SRGAP3: variants seen among roughly 807,000 people sequenced by gnomAD.
SRGAP3 encodes SLIT-ROBO Rho GTPase activating protein 3.
Under a neutral mutation model 121.1 loss-of-function variants are expected in SRGAP3, and 39 were observed. That is an observed-to-expected ratio of 0.32 (90% CI 0.25 to 0.42). The LOEUF is 0.42. Among genes scored for constraint, SRGAP3 ranks in the 10% least tolerant of loss-of-function variants. The probability of loss-of-function intolerance (pLI) is 1.00; values close to 1 mark genes in which losing one functional copy is unlikely to be tolerated. For missense variants in SRGAP3, 1,213 were observed against 1,470.6 expected (o/e 0.82, Z 2.86); for synonymous variants, 601 against 570.0 (o/e 1.05, Z -0.77).
intron 1 of SRGAP3, among the ~76,000 whole-genome samples, chr3:9,245,501 C>G (rs1559239147): frequency 6.6e-6 from 1 of 152,172 alleles, no homozygotes. Context: ...GGGTTATATT[C>G]CCAGGCTCCA....
At chr3:9,236,133 C>G (rs562961489) in intron 1 of SRGAP3, 3 of 170,648 alleles carry the variant, frequency 1.8e-5, no homozygotes, top group Admixed American at 1.3e-4. Flanking sequence ...TCTCAAGTAC[C>G]CTGACCCTTT....
intron 18 of SRGAP3, among the ~76,000 whole-genome samples, chr3:9,001,450 T>C (rs897385519): frequency 1.3e-5 from 2 of 152,166 alleles, no homozygotes; most frequent in Non-Finnish European, 2.9e-5. Context: ...TTAAATGCTA[T>C]ATTAGAAAAT....
chr3:9,037,578 C>A (rs1944810220), intron 11 of SRGAP3: 1 of 202,270 alleles, frequency 4.9e-6, no homozygotes, highest in Non-Finnish European at 1.0e-5. Flanking sequence ...TCTGTGCACG[C>A]CTATGCACAT....
chr3:9,224,403 C>G (rs1394390298), intron 1 of SRGAP3, among the ~76,000 whole-genome samples: 1 of 152,210 alleles, frequency 6.6e-6, no homozygotes, highest in Non-Finnish European at 1.5e-5. Context: ...CACCCCTCCT[C>G]CACCCTGCAC....
intron 3 of SRGAP3, among the ~76,000 whole-genome samples, chr3:9,269,020 T>A (rs1250191675): frequency 6.6e-6 from 1 of 152,136 alleles, no homozygotes; most frequent in Non-Finnish European, 1.5e-5. Context: ...AATTTGGAGT[T>A]AGGTGATTAG....
chr3:9,019,413 T>A (rs1159567610), intron 14 of SRGAP3, among the ~76,000 whole-genome samples: 1 of 152,248 alleles, frequency 6.6e-6, no homozygotes, highest in Non-Finnish European at 1.5e-5. Context: ...AGGGAAAATG[T>A]TATCTCAGGG....
intron 3 of SRGAP3, among the ~76,000 whole-genome samples, chr3:9,289,178 C>T (rs113083434): frequency 5.9e-5 from 9 of 152,260 alleles, no homozygotes; most frequent in East Asian, 3.9e-4. Flanking sequence ...GGATTACAGG[C>T]GTGAGCCAGC....
Position 9,330,520 on chromosome 3 carries a change from G to A in SRGAP3, n.283+8C>T, listed in dbSNP as rs1955589631. The A allele has an allele frequency of 1.8e-5, 3 of 165,958 alleles. No homozygotes were observed. In the South Asian group the frequency reaches 4.6e-4, roughly 25 times the overall value. 10.3% of individuals were successfully genotyped at this position (165,958 alleles called of 1,614,324 possible). ...AGATCAATGGACACAAACGGGTCCT[G>A]CAGGTACCTTGCGTGTTCACTCAGC... is the stretch of plus-strand genomic sequence containing the variant. On this transcript the variant is annotated splice_region_variant and intron_variant and non_coding_transcript_variant, in intron 2 of 3. Transcript: ENST00000490889.
At chr3:9,301,528 AG>A (rs1469117957) in intron 3 of SRGAP3, among the ~76,000 whole-genome samples, 1 of 152,250 alleles carries the variant, frequency 6.6e-6, no homozygotes, top group Non-Finnish European at 1.5e-5. Flanking sequence ...ACGTAAGAGC[AG>A]AAAGAAATCT....
At chr3:9,163,881 G>A (rs149045024) in intron 1 of SRGAP3, among the ~76,000 whole-genome samples, 241 of 151,874 alleles carry the variant, frequency 1.6e-3, no homozygotes, top group African/African-American at 4.6e-3. Context: ...AGGAAGTTGG[G>A]ACTTAGTACC....
chr3:9,311,227 T>A lies in SRGAP3; in HGVS notation n.442+14783A>T, dbSNP rs1251599612. On this transcript the variant is annotated intron_variant and non_coding_transcript_variant, in intron 3 of 3. Coordinates refer to the SRGAP3 transcript ENST00000490889. The stretch of plus-strand genomic sequence containing the variant: ...TCCAGGTTTACAAAGGACACCTGAA[T>A]TTCCAGATGGTTAATAGTTAATTGT... Among the ~76,000 whole-genome samples, 7 of 151,590 alleles carry A rather than the reference T, an allele frequency of 4.6e-5. No homozygotes were observed. In the East Asian group the frequency reaches 1.3e-3, roughly 29 times the overall value.
chr3:9,301,977 T>C (rs1218859924), intron 3 of SRGAP3, among the ~76,000 whole-genome samples: 1 of 152,244 alleles, frequency 6.6e-6, no homozygotes, highest in Non-Finnish European at 1.5e-5. Context: ...TGAATCATCC[T>C]GAAATTCTCA....
intron 3 of SRGAP3, among the ~76,000 whole-genome samples, chr3:9,258,460 C>T (rs534807853): frequency 6.6e-6 from 1 of 152,134 alleles, no homozygotes; most frequent in Non-Finnish European, 1.5e-5. Flanking sequence ...CATCTGGGTT[C>T]CCCCAGGAGC....
Position 8,992,984 on chromosome 3 carries a change from T to C in SRGAP3, c.2480A>G (p.Asp827Gly). Reference protein sequence around the residue: ...SEASSGPLLDDKASSKNDLQS... With the variant: ...SEASSGPLLDGKASSKNDLQS... ...GAGGTCGTTTTTGGAAGAGGCCTTG[T>C]CATCCAGCAATGGCCCACTGCTGGC... The change falls in exon 20 of 22, where the codon GAC (aspartate) becomes GGC (glycine). Residue 827 changes from aspartate to glycine, a missense_variant. Asp to Gly is a moderately conservative substitution (Grantham distance 94, BLOSUM62 -1). Around this residue, in one of 2 missense-constraint regions of SRGAP3, gnomAD observed 420 missense variants for 437.7 expected, o/e 0.96. Transcript: ENST00000383836. 6.2e-7 allele frequency: 1 copy of C among 1,614,242 alleles called. No homozygotes were observed.
At position 9,249,398 on chromosome 3, in the gene SRGAP3, A is replaced by T. The variant is rs918509131; in HGVS notation, c.-447T>A. The T allele has an allele frequency of 1.4e-5, 4 of 279,044 alleles. No homozygotes were observed. Among genetic ancestry groups the T allele is most frequent in the Non-Finnish European group, 2.8e-5 (4 of 145,252 alleles). The allele number at this position is 279,044 out of a possible 1,614,324, so 17.3% of individuals were successfully genotyped here. ...CACACACACCCTCACACGCACACAC[A>T]CTCGCTGGATCACTCACACACACAC... On this transcript the variant is annotated 5_prime_UTR_variant, in exon 1 of 22. Transcript: ENST00000383836.
intron 3 of SRGAP3, among the ~76,000 whole-genome samples, chr3:9,259,117 A>C (rs1954197679): frequency 6.6e-6 from 1 of 152,102 alleles, no homozygotes; most frequent in African/African-American, 2.4e-5. Context: ...CTATTCATTC[A>C]GATCCTCCCC....
intron 1 of SRGAP3, among the ~76,000 whole-genome samples, chr3:9,244,598 A>AT (rs1173791644): frequency 6.6e-6 from 1 of 152,224 alleles, no homozygotes; most frequent in Non-Finnish European, 1.5e-5. Flanking sequence ...TGCAGATAAG[A>AT]TCACCAAATA....
intron 4 of SRGAP3, among the ~76,000 whole-genome samples, chr3:9,068,574 A>G (rs547760261): frequency 6.6e-6 from 1 of 152,180 alleles, no homozygotes; most frequent in Non-Finnish European, 1.5e-5. Context: ...CTTATGACAG[A>G]CAGCTGCCAC....
In SRGAP3 at chr3:8,990,853, A is replaced by AG. The variant is rs1942015161; in HGVS notation, c.2559-15dup. ...CGTAACCGCACTCTGCAAAGGAGCC[A>AG]GGGGGCGAGGGGCATGGGGCAGAGG... On this transcript the variant is annotated splice_polypyrimidine_tract_variant and intron_variant, in intron 20 of 21. Coordinates refer to ENST00000383836, the MANE Select transcript of SRGAP3 (RefSeq NM_014850.4). 2 of 1,496,676 alleles carry AG rather than the reference A, an allele frequency of 1.3e-6. No individual in the cohort carries two copies. The highest frequency in any genetic ancestry group is 1.8e-6 in the Non-Finnish European group (2 of 1,131,166). 92.7% of individuals were successfully genotyped at this position (1,496,676 alleles called of 1,614,324 possible). A position where few individuals can be genotyped will look rare whatever the true frequency, so the allele number is the denominator to read the frequency against.
Sources: gnomAD v4.1 joint callset for allele counts (sites outside exome capture counted in the v4.1 genomes callset) on GRCh38, gnomAD v4.1.1 for gene constraint, gnomAD v4.1.1 regional missense constraint, MANE v1.5 for transcripts, NCBI Gene and HGNC (gene_info 2026-07-23, HGNC 2026-07-21) for gene names.